Variants in GPRC5A observed in about 807,000 individuals in gnomAD.
The protein encoded by GPRC5A is retinoic acid-induced protein 3.
GPRC5A carries 19 observed loss-of-function variants against 22.5 expected under a neutral mutation model. The ratio of observed to expected loss-of-function variants is 0.85; its 90% CI spans 0.59 to 1.24. The LOEUF (loss-of-function observed/expected upper bound fraction) is 1.24, where lower values mean the gene tolerates loss of function less well. Among genes scored for constraint, GPRC5A ranks in the 50% most tolerant of loss-of-function variants. The pLI is 0.00. For missense variants in GPRC5A, 471 were observed against 451.1 expected (o/e 1.04, Z -0.40); for synonymous variants, 192 against 184.5 (o/e 1.04, Z -0.33).
At chr12:12,910,083 C>A (rs1592352069) in intron 2 of GPRC5A, among the ~76,000 whole-genome samples, 1 of 151,992 alleles carries the variant, frequency 6.6e-6, no homozygotes, top group Non-Finnish European at 1.5e-5. Flanking sequence ...GGGACCTATT[C>A]ATTGGTCTCC....
At chr12:12,901,469 C>T (rs1245839167) in intron 1 of GPRC5A, among the ~76,000 whole-genome samples, 2 of 152,158 alleles carry the variant, frequency 1.3e-5, no homozygotes, top group African/African-American at 2.4e-5. Flanking sequence ...GCCCATCCTA[C>T]CCTGTCTCAC....
At chr12:12,898,354 C>G (rs527841296) in intron 1 of GPRC5A, among the ~76,000 whole-genome samples, 2 of 152,000 alleles carry the variant, frequency 1.3e-5, no homozygotes, top group African/African-American at 4.8e-5. Flanking sequence ...GGCAACATAG[C>G]GAGACCCCAC....
Position 12,914,549 on chromosome 12 carries a change from C to T in GPRC5A, c.*2010C>T, listed in dbSNP as rs988473365. 4.0e-5 allele frequency: 2 copies of T among 50,534 alleles called. No homozygotes were observed. The highest frequency in any genetic ancestry group is 2.0e-4 in the African/African-American group (2 of 10,112). The allele number at this position is 50,534 out of a possible 1,614,324, so 3.1% of individuals were successfully genotyped here. A position where few individuals can be genotyped will look rare whatever the true frequency, so the allele number is the denominator to read the frequency against. On this transcript the variant is annotated 3_prime_UTR_variant, in exon 4 of 4. Transcript: ENST00000014914. ...CTCTCTTTCCTTCCTTCCTTCCTTT[C>T]TTCTTTCTTTCTTTCTTTCTTTCTT... is the stretch of plus-strand genomic sequence containing the variant.
At position 12,914,586 on chromosome 12, in the gene GPRC5A, T is replaced by C. The variant is rs1474840130; in HGVS notation, c.*2047T>C. The C allele has an allele frequency of 3.2e-5, 3 of 93,828 alleles. No homozygotes were observed. Among genetic ancestry groups the C allele is most frequent in the Admixed American group, 1.1e-4 (1 of 8,936 alleles). 5.8% of individuals were successfully genotyped at this position (93,828 alleles called of 1,614,324 possible). ...TTTCTTTCTTTCTTTCTTTCTTTCT[T>C]TCTTTCTTTCTCTCTCTCTCTCTCT... On this transcript the variant is annotated 3_prime_UTR_variant, in exon 4 of 4. Coordinates refer to ENST00000014914, the MANE Select transcript of GPRC5A (RefSeq NM_003979.4).
chr12:12,912,500 C>CAA lies in GPRC5A; in HGVS notation c.1035_1036insAA (p.Pro346AsnfsTer8). 6.2e-7 allele frequency: 1 copy of CAA among 1,612,168 alleles called. No individual in the cohort carries two copies. Among genetic ancestry groups the CAA allele is most frequent in the Non-Finnish European group, 8.5e-7 (1 of 1,178,176 alleles). On this transcript the variant is annotated frameshift_variant, in exon 4 of 4. Transcript: ENST00000014914. LOFTEE classifies it high-confidence loss of function. ...TCCCACGGGCCCACGCTTGGCCGAG[C>CAA]CCTTACAAAGACTATGAAGTAAAGA...
At chr12:12,911,363 A>G (rs1395497730) in intron 2 of GPRC5A, among the ~76,000 whole-genome samples, 1 of 152,228 alleles carries the variant, frequency 6.6e-6, no homozygotes, top group African/African-American at 2.4e-5. Flanking sequence ...CCCAATGAAA[A>G]TGATACAAAT....
chr12:12,896,879 C>T (rs1220619322), intron 1 of GPRC5A, among the ~76,000 whole-genome samples: 1 of 151,974 alleles, frequency 6.6e-6, no homozygotes, highest in Non-Finnish European at 1.5e-5. Flanking sequence ...AACTTGAGTG[C>T]CAAGAAATAT....
intron 1 of GPRC5A, among the ~76,000 whole-genome samples, chr12:12,899,290 C>T (rs1056840291): frequency 9.9e-5 from 15 of 152,150 alleles, no homozygotes; most frequent in Non-Finnish European, 1.8e-4. Flanking sequence ...TCCCATCTCT[C>T]GGCCTCTCAA....
intron 1 of GPRC5A, among the ~76,000 whole-genome samples, chr12:12,904,121 A>C (rs1027327611): frequency 6.6e-6 from 1 of 152,074 alleles, no homozygotes; most frequent in Non-Finnish European, 1.5e-5. Context: ...AGTGAAGTGC[A>C]CAGGGCCTGA....
At chr12:12,902,505 G>C (rs1274604768) in intron 1 of GPRC5A, among the ~76,000 whole-genome samples, 2 of 152,124 alleles carry the variant, frequency 1.3e-5, no homozygotes, top group Admixed American at 6.6e-5. Flanking sequence ...GCTCACACCT[G>C]TAATCCCAGC....
rs1324734963 is a variant in GPRC5A, at chr12:12,914,989, G to A, written c.*2450G>A. 6.7e-6 allele frequency: 1 copy of A among 148,262 alleles called. No individual in the cohort carries two copies. The highest frequency in any genetic ancestry group is 1.5e-5 in the Non-Finnish European group (1 of 67,564). 9.2% of individuals were successfully genotyped at this position (148,262 alleles called of 1,614,324 possible). A position where few individuals can be genotyped will look rare whatever the true frequency, so the allele number is the denominator to read the frequency against. On this transcript the variant is annotated 3_prime_UTR_variant, in exon 4 of 4. Coordinates refer to ENST00000014914, the MANE Select transcript of GPRC5A (RefSeq NM_003979.4). The stretch of plus-strand genomic sequence containing the variant: ...CCAAGCAAGGGAGGAGGAGTAAAAG[G>A]TAAAATCACAAAATACTCTGGATCG...
chr12:12,906,994 C>T (rs1863948043), intron 1 of GPRC5A, among the ~76,000 whole-genome samples: 2 of 151,098 alleles, frequency 1.3e-5, no homozygotes, highest in South Asian at 2.1e-4. Flanking sequence ...GCGGAGGTTG[C>T]GGTGAGCCAA....
Position 12,908,740 on chromosome 12 carries a change from T to A in GPRC5A, c.491T>A (p.Val164Asp). 1 of 1,614,208 alleles carries A rather than the reference T, an allele frequency of 6.2e-7. No individual in the cohort carries two copies. The highest frequency in any genetic ancestry group is 8.5e-7 in the Non-Finnish European group (1 of 1,180,022). The change falls in exon 2 of 4, where the codon GTC becomes GAC. Residue 164 changes from valine (V) to aspartate (D), a missense_variant. Coordinates refer to ENST00000014914, the MANE Select transcript of GPRC5A (RefSeq NM_003979.4). Reference sequence around the variant, plus strand: ...ACCATGAATAGGACCAACGTCAATGTCTTTTCTGAGCTTTCCGCTCCTCGT... The same window carrying A: ...ACCATGAATAGGACCAACGTCAATGACTTTTCTGAGCTTTCCGCTCCTCGT... ...VLTMNRTNVN[V>D]FSELSAPRRN...
intron 1 of GPRC5A, among the ~76,000 whole-genome samples, chr12:12,896,383 A>G (rs1863823138): frequency 6.6e-6 from 1 of 152,178 alleles, no homozygotes; most frequent in African/African-American, 2.4e-5. Flanking sequence ...ATGATTCATC[A>G]CTTTTATGTC....
At chr12:12,896,153 A>G (rs1863820969) in intron 1 of GPRC5A, among the ~76,000 whole-genome samples, 1 of 152,094 alleles carries the variant, frequency 6.6e-6, no homozygotes, top group African/African-American at 2.4e-5. Flanking sequence ...CCAGTATTTC[A>G]TTTTATATTC....
At chr12:12,900,418 A>C (rs1863869116) in intron 1 of GPRC5A, among the ~76,000 whole-genome samples, 1 of 152,182 alleles carries the variant, frequency 6.6e-6, no homozygotes. Flanking sequence ...GGAGGCTTTG[A>C]GAGGTCAAGT....
intron 1 of GPRC5A, among the ~76,000 whole-genome samples, chr12:12,899,329 G>GC (rs1369819550): frequency 2.6e-5 from 4 of 152,258 alleles, no homozygotes; most frequent in Non-Finnish European, 5.9e-5. Context: ...GTAAGCTACT[G>GC]CCCCCGGCCA....
At chr12:12,894,780 T>TTTTTA in intron 1 of GPRC5A, among the ~76,000 whole-genome samples, 1 of 131,200 alleles carries the variant, frequency 7.6e-6, no homozygotes. Flanking sequence ...TGGTTTTTTT[T>TTTTTA]TTTTTTTTTT....
In GPRC5A at chr12:12,913,496, A is replaced by G. The variant is rs1282745930; in HGVS notation, c.*957A>G. 1.3e-5 allele frequency: 2 copies of G among 152,210 alleles called. No individual in the cohort carries two copies. Among genetic ancestry groups the G allele is most frequent in the Non-Finnish European group, 2.9e-5 (2 of 68,044 alleles). 9.4% of individuals were successfully genotyped at this position (152,210 alleles called of 1,614,324 possible). On this transcript the variant is annotated 3_prime_UTR_variant, in exon 4 of 4. Coordinates refer to ENST00000014914, the MANE Select transcript of GPRC5A (RefSeq NM_003979.4). ...AATTCCTGGGGCTGATACTTCTCTC[A>G]TCTTGCACCCCAACCTCTGTAAATA... is the stretch of plus-strand genomic sequence containing the variant.
Sources: gnomAD v4.1 joint callset for allele counts (sites outside exome capture counted in the v4.1 genomes callset) on GRCh38, gnomAD v4.1.1 for gene constraint, MANE v1.5 for transcripts, NCBI Gene and HGNC (gene_info 2026-07-23, HGNC 2026-07-21) for gene names.